Variants in CHLSN observed in about 807,000 individuals in gnomAD.
CHLSN encodes the protein protein cholesin.
At chr7:1,082,618 C>T in the CHLSN span, among the ~76,000 whole-genome samples, 1 of 152,232 alleles carries the variant, frequency 6.6e-6, no homozygotes, top group Non-Finnish European at 1.5e-5. Flanking sequence ...GAGATGACTG[C>T]AGCTTCCAGA....
the CHLSN span, among the ~76,000 whole-genome samples, chr7:1,042,672 A>C: frequency 2.1e-4 from 32 of 152,244 alleles, no homozygotes; most frequent in Admixed American, 1.6e-3. Context: ...GGCTCAGAGG[A>C]AGCTAACCTC....
chr7:1,058,572 AC>A, the CHLSN span: 1 of 701,560 alleles, frequency 1.4e-6, no homozygotes, highest in East Asian at 2.5e-5. Flanking sequence ...GCACTTAGTT[AC>A]CCTGGACGCT....
the CHLSN span, chr7:1,093,607 T>C: frequency 4.2e-6 from 2 of 471,236 alleles, no homozygotes; most frequent in Non-Finnish European, 8.8e-6. Flanking sequence ...TCATGTGGAC[T>C]GGGACCGTGC....
chr7:1,072,930 G>A, the CHLSN span, among the ~76,000 whole-genome samples: 15 of 152,222 alleles, frequency 9.9e-5, no homozygotes, highest in African/African-American at 2.2e-4. Flanking sequence ...GTGAGCCACC[G>A]CGCCTGGCCT....
the CHLSN span, among the ~76,000 whole-genome samples, chr7:1,091,077 C>T: frequency 1.3e-5 from 2 of 152,212 alleles, no homozygotes; most frequent in African/African-American, 2.4e-5. Context: ...CCTGGGGCGG[C>T]CGTGCCCATA....
the CHLSN span, chr7:1,080,757 G>C: frequency 6.6e-6 from 1 of 152,308 alleles, no homozygotes; most frequent in Non-Finnish European, 1.5e-5. Flanking sequence ...GGTACCAGCA[G>C]CAATGACCTC....
chr7:1,058,636 G>C, the CHLSN span: 1 of 615,282 alleles, frequency 1.6e-6, no homozygotes, highest in Non-Finnish European at 3.0e-6. Context: ...CAGGAGGGGT[G>C]TTTTTCTTGA....
the CHLSN span, among the ~76,000 whole-genome samples, chr7:1,029,757 C>T: frequency 6.6e-6 from 1 of 152,214 alleles, no homozygotes; most frequent in African/African-American, 2.4e-5. Context: ...ATGGTGTGGG[C>T]ACCCCAGTCC....
At chr7:1,004,508 C>T in the CHLSN span, among the ~76,000 whole-genome samples, 1 of 152,146 alleles carries the variant, frequency 6.6e-6, no homozygotes, top group Non-Finnish European at 1.5e-5. Context: ...GGCCCTGAAC[C>T]AAGGGCGCCT....
the CHLSN span, chr7:983,456 G>A: frequency 1.5e-6 from 2 of 1,341,862 alleles, no homozygotes; most frequent in African/African-American, 3.0e-5. Context: ...TCCTGGGGAA[G>A]CCCAGCCCGG....
At chr7:1,078,443 C>A in the CHLSN span, among the ~76,000 whole-genome samples, 4 of 152,174 alleles carry the variant, frequency 2.6e-5, no homozygotes, top group African/African-American at 9.7e-5. Context: ...CCCGTGAGAC[C>A]TGGGGTTAAA....
the CHLSN span, among the ~76,000 whole-genome samples, chr7:1,077,402 G>A: frequency 1.3e-5 from 2 of 152,168 alleles, no homozygotes; most frequent in Admixed American, 6.5e-5. Flanking sequence ...TGATCCGCCC[G>A]CCTCGGCCTC....
chr7:985,088 A>G, the CHLSN span: 1 of 1,612,184 alleles, frequency 6.2e-7, no homozygotes, highest in Non-Finnish European at 8.5e-7. Context: ...GGGCAGCTGG[A>G]TGGCTACAGA....
chr7:1,122,594 G>A, the CHLSN span, among the ~76,000 whole-genome samples: 10 of 152,178 alleles, frequency 6.6e-5, no homozygotes, highest in East Asian at 1.9e-4. Flanking sequence ...CATGTCCGCC[G>A]ACCCCAAGGG....
chr7:1,098,904 T>C, the CHLSN span, among the ~76,000 whole-genome samples: 6 of 152,310 alleles, frequency 3.9e-5, no homozygotes, highest in South Asian at 1.0e-3. Flanking sequence ...AAAATTAGAT[T>C]GTGGCGATGG....
chr7:1,028,299 G>C, the CHLSN span: 3 of 1,052,972 alleles, frequency 2.8e-6, no homozygotes, highest in Non-Finnish European at 2.3e-6. Context: ...GGACGGCGCC[G>C]GGGCAGGGAT....
chr7:1,065,676 C>T, the CHLSN span, among the ~76,000 whole-genome samples: 2 of 152,168 alleles, frequency 1.3e-5, no homozygotes, highest in Admixed American at 6.5e-5. Flanking sequence ...CAGGGAGGGG[C>T]GACGGAGGCG....
At chr7:1,010,754 C>T in the CHLSN span, among the ~76,000 whole-genome samples, 1 of 152,222 alleles carries the variant, frequency 6.6e-6, no homozygotes, top group Non-Finnish European at 1.5e-5. Context: ...CCACCCTCCC[C>T]TCATTAACAA....
chr7:1,038,750 T>G, the CHLSN span, among the ~76,000 whole-genome samples: 1 of 80,698 alleles, frequency 1.2e-5, no homozygotes, highest in Non-Finnish European at 2.4e-5. Flanking sequence ...GTCTGGGAGG[T>G]GAGGGGCGCC....
Sources: gnomAD v4.1 joint callset for allele counts (sites outside exome capture counted in the v4.1 genomes callset) on GRCh38, gnomAD v4.1.1 for gene constraint, MANE v1.5 for transcripts, NCBI Gene and HGNC (gene_info 2026-07-23, HGNC 2026-07-21) for gene names.